Variants in CPEB2 observed in about 807,000 individuals in gnomAD.
CPEB2 encodes the protein cytoplasmic polyadenylation element-binding protein 2.
Under a neutral mutation model 93.6 loss-of-function variants are expected in CPEB2, and 56 were observed. The observed-to-expected ratio is 0.60, with a 90% CI of 0.48 to 0.75. The LOEUF (loss-of-function observed/expected upper bound fraction) is 0.75, where lower values mean the gene tolerates loss of function less well. Among genes scored for constraint, CPEB2 ranks in the 30% least tolerant of loss-of-function variants. CPEB2 has a pLI of 0.00. For missense variants in CPEB2, 1,579 were observed against 1,395.1 expected, an observed-to-expected ratio of 1.13 and a Z score of -2.10; for synonymous variants, 764 against 586.3, an observed-to-expected ratio of 1.30 and a Z score of -4.38.
Position 15,008,379 on chromosome 4 carries a change from A to G in CPEB2, c.1986A>G (p.Ser662=), listed in dbSNP as rs1232221233. The change falls in exon 3 of 12, where the codon TCA becomes TCG. Residue 662 remains serine (S), a synonymous_variant. Transcript: ENST00000538197. ...AGTTGCCAGCTTGGGGCTCAGATTC[A>G]CTCCAAGATAGTTGGTGCACTGCAG... ...SLQLPAWGSD[S]LQDSWCTAAG... 1 of 1,613,040 alleles carries G rather than the reference A, an allele frequency of 6.2e-7. No homozygotes were observed.
intron 6 of CPEB2, among the ~76,000 whole-genome samples, chr4:15,043,131 G>A (rs948195131): frequency 1.3e-5 from 2 of 152,098 alleles, no homozygotes; most frequent in African/African-American, 4.8e-5. Flanking sequence ...GCCCAGGCAC[G>A]AAACTGTTTT....
At chr4:15,046,631 C>T (rs1461467353) in intron 6 of CPEB2, among the ~76,000 whole-genome samples, 1 of 152,188 alleles carries the variant, frequency 6.6e-6, no homozygotes, top group Non-Finnish European at 1.5e-5. Context: ...AGCACCTTTT[C>T]ATGTGCTTCT....
intron 6 of CPEB2, among the ~76,000 whole-genome samples, chr4:15,046,073 T>TTTTGTATG (rs1727660778): frequency 6.6e-6 from 1 of 152,212 alleles, no homozygotes; most frequent in African/African-American, 2.4e-5. Flanking sequence ...TTTTGTACCT[T>TTTTGTATG]TTTGTATGTG....
intron 1 of CPEB2, 63 bp from the exon 2 acceptor site, chr4:15,007,236 AAATTTG>A (rs1168936455): frequency 3.0e-6 from 4 of 1,332,442 alleles, no homozygotes; most frequent in Non-Finnish European, 4.0e-6. Context: ...CTTAGGTCTG[AAATTTG>A]AATTTGAATT....
chr4:15,024,085 C>G (rs1411802563), intron 4 of CPEB2, among the ~76,000 whole-genome samples: 2 of 151,784 alleles, frequency 1.3e-5, no homozygotes, highest in Non-Finnish European at 1.5e-5. Flanking sequence ...TTAATTCATC[C>G]CAGTATTTAT....
chr4:15,056,847 T>C (rs1444273740), intron 8 of CPEB2, among the ~76,000 whole-genome samples: 1 of 152,182 alleles, frequency 6.6e-6, no homozygotes, highest in Non-Finnish European at 1.5e-5. Flanking sequence ...TTGTTAAGAA[T>C]ATTTTAATAT....
At chr4:15,009,793 G>C (rs1723247753) in intron 3 of CPEB2, among the ~76,000 whole-genome samples, 1 of 152,196 alleles carries the variant, frequency 6.6e-6, no homozygotes, top group South Asian at 2.1e-4. Context: ...GACAGATGTT[G>C]AGAAATCAGA....
At chr4:15,008,926 A>T (rs1368742259) in intron 3 of CPEB2, among the ~76,000 whole-genome samples, 1 of 152,158 alleles carries the variant, frequency 6.6e-6, no homozygotes, top group Non-Finnish European at 1.5e-5. Flanking sequence ...TAGTATTCTA[A>T]ATTTTGTTAC....
In CPEB2 at chr4:15,003,695, G is replaced by T; in HGVS notation, c.1022G>T (p.Ser341Ile). ...GGALGAGAFS[S>I]LQSPDLPHPG... ...GCGCTTGGCGCGGGCGCCTTCAGCA[G>T]CCTGCAGAGCCCGGACCTTCCACAC... Residue 341 changes from serine (S) to isoleucine (I), a missense_variant, in exon 1 of 12, where the codon AGC becomes ATC. Transcript: ENST00000538197. The T allele has an allele frequency of 6.9e-7, 1 of 1,452,704 alleles. No individual in the cohort carries two copies. The highest frequency in any genetic ancestry group is 9.1e-7 in the Non-Finnish European group (1 of 1,103,826). 90.0% of individuals were successfully genotyped at this position (1,452,704 alleles called of 1,614,324 possible). A position where few individuals can be genotyped will look rare whatever the true frequency, so the allele number is the denominator to read the frequency against.
At position 15,003,183 on chromosome 4, in the gene CPEB2, G is replaced by GCAA; in HGVS notation, c.512_513insACA (p.Gln173dup). On this transcript the variant is annotated inframe_insertion, in exon 1 of 12. Transcript: ENST00000538197. ...CCCCGCAGGACTTCAGTAAGCGGCA[G>GCAA]CAGCAGCAGCTGAGCAGCCAGAAGA... The GCAA allele has an allele frequency of 6.5e-7, 1 of 1,534,098 alleles. No individual in the cohort carries two copies. The highest frequency in any genetic ancestry group is 8.7e-7 in the Non-Finnish European group (1 of 1,146,238).
At chr4:15,052,702 G>C in intron 7 of CPEB2, 118 bp downstream of exon 7, 1 of 526,348 alleles carries the variant, frequency 1.9e-6, no homozygotes, top group South Asian at 6.6e-5. Flanking sequence ...TTCAGAATTA[G>C]AATGCATTTT....
intron 6 of CPEB2, among the ~76,000 whole-genome samples, chr4:15,040,842 G>A (rs370875121): frequency 5.6e-4 from 86 of 152,234 alleles, no homozygotes; most frequent in African/African-American, 1.9e-3. Flanking sequence ...CTCTCTAAAT[G>A]TGTAACTGTC....
intron 4 of CPEB2, among the ~76,000 whole-genome samples, chr4:15,026,336 C>A (rs1380715539): frequency 6.6e-6 from 1 of 151,700 alleles, no homozygotes; most frequent in East Asian, 1.9e-4. Flanking sequence ...AAGCGATTGT[C>A]CTGCCTCAGC....
chr4:15,039,595 G>T (rs1726977884), intron 5 of CPEB2, among the ~76,000 whole-genome samples: 1 of 151,864 alleles, frequency 6.6e-6, no homozygotes, highest in African/African-American at 2.4e-5. Flanking sequence ...TTTGTGGGGA[G>T]GAGTTCTTTT....
At chr4:15,004,391 A>C in intron 1 of CPEB2, 56 bp downstream of exon 1, 1 of 1,292,094 alleles carries the variant, frequency 7.7e-7, no homozygotes, top group Non-Finnish European at 1.0e-6. Flanking sequence ...TGGGCGGGGG[A>C]CGGAGGCGGG....
intron 4 of CPEB2, among the ~76,000 whole-genome samples, chr4:15,031,724 G>A (rs1430518383): frequency 6.6e-6 from 1 of 152,118 alleles, no homozygotes; most frequent in Non-Finnish European, 1.5e-5. Context: ...GTATATGTAT[G>A]TACAGGAAAC....
At chr4:15,007,201 T>G (rs1159435249) in intron 1 of CPEB2, 104 bp from the exon 2 acceptor site, 1 of 970,112 alleles carries the variant, frequency 1.0e-6, no homozygotes, top group Non-Finnish European at 1.4e-6. Flanking sequence ...TTCTTTTGCC[T>G]TTATATATTT....
intron 1 of CPEB2, 116 bp from the exon 2 acceptor site, chr4:15,007,189 T>C (rs1478312717): frequency 7.7e-6 from 6 of 781,016 alleles, no homozygotes. Context: ...AGAAAAGATG[T>C]ATTCTTTTGC....
chr4:15,047,319 C>G (rs1411847440), intron 6 of CPEB2, among the ~76,000 whole-genome samples: 1 of 152,088 alleles, frequency 6.6e-6, no homozygotes. Context: ...AGACAGTGTG[C>G]TGAGATTTTG....
Sources: gnomAD v4.1 joint callset for allele counts (sites outside exome capture counted in the v4.1 genomes callset) on GRCh38, gnomAD v4.1.1 for gene constraint, MANE v1.5 for transcripts, NCBI Gene and HGNC (gene_info 2026-07-23, HGNC 2026-07-21) for gene names.